Variants in ARHGEF10L observed in about 807,000 individuals in gnomAD.
ARHGEF10L encodes rho guanine nucleotide exchange factor 10-like protein.
In ARHGEF10L, 69 loss-of-function variants were observed where a neutral mutation model predicts 141.2. The observed-to-expected ratio is 0.49, with a 90% confidence interval of 0.40 to 0.60. The LOEUF (loss-of-function observed/expected upper bound fraction) is 0.60, where lower values mean the gene tolerates loss of function less well. Ranked by LOEUF, ARHGEF10L falls within the 20% of genes least tolerant of loss-of-function variation. The pLI is 0.00. For synonymous variants in ARHGEF10L, 711 were observed against 718.5 expected (o/e 0.99, Z 0.17); for missense variants, 1,482 against 1,734.3 (o/e 0.85, Z 2.58).
chr1:17,599,975 A>G (rs2080482492), intron 4 of ARHGEF10L, among the ~76,000 whole-genome samples: 1 of 152,236 alleles, frequency 6.6e-6, no homozygotes, highest in Non-Finnish European at 1.5e-5. Context: ...TGCACCGGAT[A>G]GGACAGGCAG....
At chr1:17,561,911 G>C (rs901956228) in intron 1 of ARHGEF10L, among the ~76,000 whole-genome samples, 1 of 152,176 alleles carries the variant, frequency 6.6e-6, no homozygotes, top group Non-Finnish European at 1.5e-5. Flanking sequence ...AGGTTCCAAG[G>C]GAGGCCGAGC....
At chr1:17,526,691 C>T in the ARHGEF10L span, among the ~76,000 whole-genome samples, 1 of 152,046 alleles carries the variant, frequency 6.6e-6, no homozygotes, top group Admixed American at 6.5e-5. Flanking sequence ...ATTGCTTGAG[C>T]CCAGGAGTTT....
rs186328722 is a variant in ARHGEF10L at position 17,637,317 on chromosome 1, T to A, written c.1928-571T>A. 6.0e-4 allele frequency among the ~76,000 whole-genome samples: 92 copies of A among 152,290 alleles called. 1 individual carries two copies. Among genetic ancestry groups the A allele is most frequent in the Non-Finnish European group, 1.0e-3 (71 of 68,016 alleles). ...GCAGTGCCCACCACACTTCCAGCCCTATGCAGGCCCCTCCTCTCTCCCAGG... is the reference window on the plus strand; with the variant it reads ...GCAGTGCCCACCACACTTCCAGCCCAATGCAGGCCCCTCCTCTCTCCCAGG... On this transcript the variant is annotated intron_variant, in intron 18 of 28. Transcript: ENST00000361221.
chr1:17,684,779 GT>G (rs1231815874), intron 26 of ARHGEF10L, among the ~76,000 whole-genome samples: 1 of 152,136 alleles, frequency 6.6e-6, no homozygotes, highest in African/African-American at 2.4e-5. Flanking sequence ...TAGAACCCCT[GT>G]TCCAAGAGCA....
chr1:17,520,163 T>C, the ARHGEF10L span, among the ~76,000 whole-genome samples: 1 of 152,300 alleles, frequency 6.6e-6, no homozygotes, highest in East Asian at 1.9e-4. Flanking sequence ...CCCAGGCTGG[T>C]TGATGGATGG....
In ARHGEF10L at chr1:17,634,492, G is replaced by T. The variant is rs1428248555; in HGVS notation, c.1731-56G>T. ...GCCCCCAGCGGGGTCACAGCCCCCA[G>T]ATTAGCCACTCCATTGTAATAACAA... On this transcript the variant is annotated intron_variant, in intron 16 of 28. Transcript: ENST00000361221. 40 of 1,614,018 alleles carry T rather than the reference G, an allele frequency of 2.5e-5. No homozygotes were observed. In the Admixed American group the frequency reaches 2.5e-4, roughly 10 times the overall value.
In ARHGEF10L at chr1:17,624,448, T is replaced by C; in HGVS notation, c.1262T>C (p.Met421Thr). Reference protein sequence around the residue: ...SDYVNNFTSAMSIIKKACLTK... With the variant: ...SDYVNNFTSATSIIKKACLTK... ...TACGTGAACAACTTCACCAGTGCCA[T>C]GTCCATCATCAAGAAGGCCTGCCTC... is the stretch of plus-strand genomic sequence containing the variant. The change falls in exon 13 of 29, where the codon ATG (methionine) becomes ACG (threonine). Residue 421 changes from methionine to threonine, a missense_variant. By Grantham distance (81) the Met-to-Thr change is moderately conservative. This residue lies in a region of ARHGEF10L where 392 missense variants were observed against 542.1 expected (regional missense o/e 0.72). Coordinates refer to ENST00000361221, the MANE Select transcript of ARHGEF10L (RefSeq NM_018125.4). 3 of 1,614,254 alleles carry C rather than the reference T, an allele frequency of 1.9e-6. No homozygotes were observed. Among genetic ancestry groups the C allele is most frequent in the Non-Finnish European group, 2.5e-6 (3 of 1,180,044 alleles).
In ARHGEF10L at chr1:17,603,242, C is replaced by G. The variant is rs1489371234; in HGVS notation, c.350-266C>G. On this transcript the variant is annotated intron_variant, in intron 5 of 28. Transcript: ENST00000361221. This position sits in a 1 kb window ranked among gnomAD's most constrained non-coding sequence, Gnocchi z 4.8. The stretch of plus-strand genomic sequence containing the variant: ...GGGGCCGGGAGCAGCTGTCCATTAG[C>G]CAGATGGGCAGGCCTGCGGGCAGCA... Among the ~76,000 whole-genome samples, 2 of 141,774 alleles carry G rather than the reference C, an allele frequency of 1.4e-5. No individual in the cohort carries two copies. Among genetic ancestry groups the G allele is most frequent in the African/African-American group, 5.3e-5 (2 of 37,490 alleles). 93.0% of individuals were successfully genotyped at this position (141,774 alleles called of 152,430 possible).
chr1:17,610,034 G>A (rs1312026673), intron 7 of ARHGEF10L, among the ~76,000 whole-genome samples: 1 of 152,194 alleles, frequency 6.6e-6, no homozygotes, highest in Non-Finnish European at 1.5e-5. Flanking sequence ...CCTCTCCCAT[G>A]TTGTCCCCGG....
chr1:17,515,303 T>A, the ARHGEF10L span, among the ~76,000 whole-genome samples: 1 of 151,306 alleles, frequency 6.6e-6, no homozygotes, highest in East Asian at 1.9e-4. Context: ...TTTTTTTTTT[T>A]TTTTGTTTGA....
In ARHGEF10L at chr1:17,558,802, G is replaced by A. The variant is rs937274929; in HGVS notation, c.-44+18852G>A. ...GCCCTGTGAACCTCACTGAGGAGCT[G>A]TGGCTCTGTGGGGCCACAGATAGGG... is the stretch of plus-strand genomic sequence containing the variant. On this transcript the variant is annotated intron_variant, in intron 1 of 28. Coordinates refer to ENST00000361221, the MANE Select transcript of ARHGEF10L (RefSeq NM_018125.4). The surrounding 1 kb of genome is among the most constrained non-coding windows in gnomAD (Gnocchi z 4.2). 1.7e-4 allele frequency among the ~76,000 whole-genome samples: 26 copies of A among 152,224 alleles called. No homozygotes were observed. Among genetic ancestry groups the A allele is most frequent in the African/African-American group, 6.3e-4 (26 of 41,454 alleles).
chr1:17,576,874 G>A (rs72921032), intron 1 of ARHGEF10L, among the ~76,000 whole-genome samples: 1,900 of 152,288 alleles, frequency 0.012, 38 homozygotes, highest in African/African-American at 0.043. Context: ...CGTGGCCTTC[G>A]GTGTCACCGC....
the ARHGEF10L span, among the ~76,000 whole-genome samples, chr1:17,531,794 C>G: frequency 1.3e-5 from 2 of 152,170 alleles, no homozygotes; most frequent in Admixed American, 6.5e-5. Flanking sequence ...AGGACACAGC[C>G]GGATAAGAGC....
chr1:17,546,238 CA>C (rs1006090953), intron 1 of ARHGEF10L, among the ~76,000 whole-genome samples: 2 of 151,818 alleles, frequency 1.3e-5, no homozygotes, highest in Non-Finnish European at 2.9e-5. Flanking sequence ...GGTGGATTCT[CA>C]AAAAAAATCC....
rs1446852125 is a variant in ARHGEF10L at position 17,696,983 on chromosome 1, C to T, written c.3443C>T (p.Pro1148Leu). ...AEGPRAEEDK[P>L]DGQAHEPMPD... ...GGGCCCCGGGCTGAGGAGGACAAGC[C>T]AGACGGGCAGGCACACGAGCCCATG... Residue 1148 changes from proline (P) to leucine (L), a missense_variant, in exon 29 of 29, where the codon CCA (proline) becomes CTA (leucine). Around this residue, in one of 3 missense-constraint regions of ARHGEF10L, gnomAD observed 858 missense variants for 966.3 expected, o/e 0.89. Coordinates refer to ENST00000361221, the MANE Select transcript of ARHGEF10L (RefSeq NM_018125.4). The T allele has an allele frequency of 1.2e-6, 2 of 1,611,854 alleles. No homozygotes were observed. The highest frequency in any genetic ancestry group is 8.5e-7 in the Non-Finnish European group (1 of 1,179,550).
In ARHGEF10L at chr1:17,637,934, C is replaced by A. The variant is rs769519025; in HGVS notation, c.1974C>A (p.Asp658Glu). The A allele has an allele frequency of 1.3e-5, 21 of 1,602,534 alleles. No homozygotes were observed. The South Asian group carries it at 2.3e-4, about 17-fold the overall frequency. Residue 658 changes from aspartate (D) to glutamate (E), a missense_variant, in exon 19 of 29, where the codon GAC (aspartate) becomes GAA (glutamate). This residue lies in a region of ARHGEF10L where 858 missense variants were observed against 966.3 expected (regional missense o/e 0.89). Coordinates refer to ENST00000361221, the MANE Select transcript of ARHGEF10L (RefSeq NM_018125.4). ...GPPRLFQELQ[D>E]LQKDLAVVEQ... is the part of the protein sequence containing the mutation. Reference sequence around the variant, plus strand: ...CACGCCTCTTCCAGGAGCTGCAGGACCTGCAGAAGGACCTGGCCGTGGTGG... The same window carrying A: ...CACGCCTCTTCCAGGAGCTGCAGGAACTGCAGAAGGACCTGGCCGTGGTGG...
chr1:17,526,798 A>C, the ARHGEF10L span, among the ~76,000 whole-genome samples: 2 of 151,914 alleles, frequency 1.3e-5, no homozygotes, highest in African/African-American at 4.8e-5. Context: ...TCAGCTACTT[A>C]GAGGCTGAAG....
chr1:17,663,992 G>A (rs1459941404), intron 25 of ARHGEF10L, among the ~76,000 whole-genome samples: 1 of 152,180 alleles, frequency 6.6e-6, no homozygotes, highest in Non-Finnish European at 1.5e-5. Context: ...CTGCTCATTT[G>A]TGCTTGGCGT....
At chr1:17,526,535 G>C in the ARHGEF10L span, among the ~76,000 whole-genome samples, 1 of 152,140 alleles carries the variant, frequency 6.6e-6, no homozygotes, top group African/African-American at 2.4e-5. Flanking sequence ...ACTAAACCTG[G>C]TGCACAGCAA....
Sources: allele counts gnomAD v4.1 joint callset (sites outside exome capture counted in the v4.1 genomes callset), GRCh38; gene constraint gnomAD v4.1.1; regional missense constraint gnomAD v4.1.1; non-coding constraint Gnocchi (gnomAD v3.1); transcripts MANE v1.5; gene names NCBI Gene and HGNC (gene_info 2026-07-23, HGNC 2026-07-21).